Variants in RBX1 observed in about 807,000 individuals in gnomAD.
RBX1 encodes E3 ubiquitin-protein ligase RBX1.
For synonymous variants in RBX1, 48 were observed against 47.9 expected (o/e 1.00, Z -0.01); for missense variants, 46 against 141.4 (o/e 0.33, Z 3.42).
chr22:40,960,297 A>C (rs2058336403), intron 2 of RBX1, among the ~76,000 whole-genome samples: 1 of 152,132 alleles, frequency 6.6e-6, no homozygotes, highest in South Asian at 2.1e-4. Flanking sequence ...AGATACTCAT[A>C]ATTGATGTGT....
chr22:40,951,751 A>G (rs1483365741), intron 1 of RBX1, among the ~76,000 whole-genome samples: 1 of 143,314 alleles, frequency 7.0e-6, no homozygotes. Flanking sequence ...GGCGGGAGCC[A>G]AGCGCTTGAG....
rs769124444 is a variant in RBX1 at position 40,964,025 on chromosome 22, C to G, written c.158-22C>G. The G allele has an allele frequency of 6.2e-6, 10 of 1,603,932 alleles. No homozygotes were observed. In the South Asian group the frequency reaches 9.9e-5, roughly 16 times the overall value. ...GTTGCTGCTCCCAAGGTCCAGTGAT[C>G]CTGTTGCTCTTGTTCCCACAGGCAT... On this transcript the variant is annotated intron_variant, in intron 2 of 4. Transcript: ENST00000216225.
Position 40,953,568 on chromosome 22 carries a change from C to T in RBX1, c.92C>T (p.Ala31Val). The T allele has an allele frequency of 1.2e-6, 2 of 1,609,952 alleles. No homozygotes were observed. Among genetic ancestry groups the T allele is most frequent in the Non-Finnish European group, 1.7e-6 (2 of 1,176,774 alleles). The change falls in exon 2 of 5, where the codon GCC becomes GTC. Residue 31 changes from alanine to valine, a missense_variant. Ala to Val is a moderately conservative substitution (Grantham distance 64). Transcript: ENST00000216225. ...TTGTCTTTGCAGTGGAATGCAGTAGCCCTCTGGGCCTGGGATATTGTGGTT... is the reference window on the plus strand; with the variant it reads ...TTGTCTTTGCAGTGGAATGCAGTAGTCCTCTGGGCCTGGGATATTGTGGTT... ...RFEVKKWNAV[A>V]LWAWDIVVDN... is the part of the protein sequence containing the mutation.
chr22:40,965,383 T>G (rs2058351326), intron 3 of RBX1, among the ~76,000 whole-genome samples: 1 of 149,266 alleles, frequency 6.7e-6, no homozygotes, highest in African/African-American at 2.5e-5. Flanking sequence ...GTTTTTCCTG[T>G]TGGGTTGCAA....
chr22:40,965,422 GT>G (rs569236928), intron 3 of RBX1, among the ~76,000 whole-genome samples: 49 of 139,000 alleles, frequency 3.5e-4, no homozygotes, highest in African/African-American at 7.4e-4. Context: ...CTGGTTTTTT[GT>G]TTTTTTTTTT....
intron 4 of RBX1, 63 bp from the exon 5 acceptor site, chr22:40,972,413 G>C: frequency 7.2e-7 from 1 of 1,396,134 alleles, no homozygotes; most frequent in Admixed American, 1.8e-5. Flanking sequence ...GTTTAAGCAG[G>C]TTTTATGTCT....
In RBX1 at chr22:40,969,174, G is replaced by A. The variant is rs566230288; in HGVS notation, c.314+1290G>A. Among the ~76,000 whole-genome samples the A allele has an allele frequency of 3.3e-5, 5 of 152,062 alleles. No individual in the cohort carries two copies. In the East Asian group the frequency reaches 7.8e-4, roughly 24 times the overall value. ...ACTAAAAATGCAAAATCAGCTGGGC[G>A]TGGGGGCACATACCTGTAATCCCAG... On this transcript the variant is annotated intron_variant, in intron 4 of 4. Coordinates refer to ENST00000216225, the MANE Select transcript of RBX1 (RefSeq NM_014248.4).
At chr22:40,962,088 A>T (rs5751014) in intron 2 of RBX1, among the ~76,000 whole-genome samples, 18,951 of 151,648 alleles carry the variant, frequency 0.12, 2,156 homozygotes, top group African/African-American at 0.3. Flanking sequence ...CCAGCCTTTT[A>T]TGGTTTGTTT....
At chr22:40,971,444 T>C (rs2058368829) in intron 4 of RBX1, among the ~76,000 whole-genome samples, 1 of 152,246 alleles carries the variant, frequency 6.6e-6, no homozygotes, top group African/African-American at 2.4e-5. Flanking sequence ...CAAATTATTT[T>C]AATCAGGTTA....
At chr22:40,956,394 CTT>C (rs552394610) in intron 2 of RBX1, among the ~76,000 whole-genome samples, 83 of 135,296 alleles carry the variant, frequency 6.1e-4, no homozygotes, top group Admixed American at 6.8e-4. Flanking sequence ...AGGTCTTTAC[CTT>C]TTTTTTTTTT....
chr22:40,961,787 C>CTG (rs139232745), intron 2 of RBX1, among the ~76,000 whole-genome samples: 2,373 of 149,318 alleles, frequency 0.016, 46 homozygotes, highest in East Asian at 0.059. Flanking sequence ...TTTGCTTTCT[C>CTG]TGTGTGTGTG....
At chr22:40,966,525 A>T (rs73414647) in intron 3 of RBX1, 2 of 152,176 alleles carry the variant, frequency 1.3e-5, no homozygotes, top group African/African-American at 4.8e-5. Context: ...TCTTTTTCAC[A>T]GTGAGTTATA....
chr22:40,970,419 A>G (rs2058366067), intron 4 of RBX1, among the ~76,000 whole-genome samples: 1 of 152,032 alleles, frequency 6.6e-6, no homozygotes, highest in South Asian at 2.1e-4. Flanking sequence ...ATTTCTAAGA[A>G]TACACACTAA....
rs1601540861 is a variant in RBX1, at chr22:40,971,319, A to G, written c.315-1157A>G. Among the ~76,000 whole-genome samples the G allele has an allele frequency of 3.9e-5, 6 of 152,310 alleles. 2 individuals are homozygous for G. The highest frequency in any genetic ancestry group is 3.9e-4 in the Admixed American group (6 of 15,276). ...TGTTCTACAGCCCATCTCACATGCT[A>G]GAGCCTAACCTATGTGGAATTTGGC... On this transcript the variant is annotated intron_variant, in intron 4 of 4. Transcript: ENST00000216225.
intron 2 of RBX1, among the ~76,000 whole-genome samples, chr22:40,963,244 A>C (rs947775813): frequency 1.3e-5 from 2 of 152,200 alleles, no homozygotes; most frequent in South Asian, 4.1e-4. Flanking sequence ...CCATTTAGTT[A>C]CTATGATCAG....
rs540893470 is a variant in RBX1, at chr22:40,966,310, C to T, written c.229-1489C>T. ...CAGGGGTGCTGTCACCTCCCTGACA[C>T]CTCCTTTACAGCCCCCTTTTCCCCA... On this transcript the variant is annotated intron_variant, in intron 3 of 4. Transcript: ENST00000216225. 12 of 152,304 alleles carry T rather than the reference C, an allele frequency of 7.9e-5. 1 individual carries two copies. In the East Asian group the frequency reaches 1.5e-3, roughly 20 times the overall value. 9.4% of individuals were successfully genotyped at this position (152,304 alleles called of 1,614,324 possible). A position where few individuals can be genotyped will look rare whatever the true frequency, so the allele number is the denominator to read the frequency against.
intron 4 of RBX1, among the ~76,000 whole-genome samples, chr22:40,971,628 T>C (rs958712891): frequency 1.3e-5 from 2 of 152,048 alleles, no homozygotes; most frequent in African/African-American, 4.8e-5. Context: ...GTGATCTCGG[T>C]TCACTGCAAC....
At chr22:40,966,248 C>T (rs771615846) in intron 3 of RBX1, 9 of 152,146 alleles carry the variant, frequency 5.9e-5, no homozygotes, top group African/African-American at 1.2e-4. Context: ...GTACTTTGAC[C>T]GCTAAATATA....
intron 1 of RBX1, among the ~76,000 whole-genome samples, chr22:40,952,983 C>CTTTTTTTTTTTTTT (rs34618218): frequency 1.2e-5 from 1 of 86,874 alleles, no homozygotes; most frequent in African/African-American, 3.8e-5. Flanking sequence ...AGTTTGTGCC[C>CTTTTTTTTTTTTTT]TTTTTTTTTT....
Sources: allele counts gnomAD v4.1 joint callset (sites outside exome capture counted in the v4.1 genomes callset), GRCh38; gene constraint gnomAD v4.1.1; transcripts MANE v1.5; gene names NCBI Gene and HGNC (gene_info 2026-07-23, HGNC 2026-07-21).